NEURL4: variants seen among roughly 807,000 people sequenced by gnomAD.
NEURL4 encodes neuralized-like protein 4.
NEURL4 carries 45 observed loss-of-function variants against 148.0 expected under a neutral mutation model. That is an observed-to-expected ratio of 0.30 (90% CI 0.24 to 0.39). The LOEUF is 0.39. Among genes scored for constraint, NEURL4 ranks in the 10% least tolerant of loss-of-function variants. The probability of loss-of-function intolerance (pLI) is 1.00; values close to 1 mark genes in which losing one functional copy is unlikely to be tolerated. For missense variants in NEURL4, 1,776 were observed against 2,144.0 expected (o/e 0.83, Z 3.39); for synonymous variants, 854 against 869.0 (o/e 0.98, Z 0.30).
Position 7,321,053 on chromosome 17 carries a change from T to G in NEURL4, c.3360+59A>C. 1 of 1,597,582 alleles carries G rather than the reference T, an allele frequency of 6.3e-7. No homozygotes were observed. The highest frequency in any genetic ancestry group is 8.5e-7 in the Non-Finnish European group (1 of 1,169,808). On this transcript the variant is annotated intron_variant, in intron 20 of 28. Coordinates refer to ENST00000399464, the MANE Select transcript of NEURL4 (RefSeq NM_032442.3). This position sits in a 1 kb window ranked among gnomAD's most constrained non-coding sequence, Gnocchi z 6.3. Reference sequence around the variant, plus strand: ...CAGAGAACCCAGAAAAGGCCTGGCATCCAACGGCCCAGCAACTGCCCATCC... The same window carrying G: ...CAGAGAACCCAGAAAAGGCCTGGCAGCCAACGGCCCAGCAACTGCCCATCC...
At chr17:7,319,523 AAACTCCGT>A (rs2072999867) in intron 21 of NEURL4, among the ~76,000 whole-genome samples, 1 of 151,284 alleles carries the variant, frequency 6.6e-6, no homozygotes, top group Non-Finnish European at 1.5e-5. Flanking sequence ...CAACATGGTG[AAACTCCGT>A]CTCTACTAAA....
rs530570839 is a variant in NEURL4, at chr17:7,327,091, C to A, written c.793+74G>T. The A allele has an allele frequency of 3.1e-5, 49 of 1,600,186 alleles. No homozygotes were observed. Among genetic ancestry groups the A allele is most frequent in the Middle Eastern group, 1.6e-4 (1 of 6,062 alleles). Reference sequence around the variant, plus strand: ...CCAGACCTGGTGCCTCTCTCCCTACCCCTTCTCCTGAGGGCCCTCCCTTGT... The same window carrying A: ...CCAGACCTGGTGCCTCTCTCCCTACACCTTCTCCTGAGGGCCCTCCCTTGT... On this transcript the variant is annotated intron_variant, in intron 3 of 28. Coordinates refer to ENST00000399464, the MANE Select transcript of NEURL4 (RefSeq NM_032442.3). This position sits in a 1 kb window ranked among gnomAD's most constrained non-coding sequence, Gnocchi z 6.6.
rs775636936 is a variant in NEURL4 at position 7,320,728 on chromosome 17, G to A, written c.3525+31C>T. Reference sequence around the variant, plus strand: ...TTGGCCATGGGTCACTGTGGAGCGAGAGAAGCTGGGGATAGGGAGGGAGAA... The same window carrying A: ...TTGGCCATGGGTCACTGTGGAGCGAAAGAAGCTGGGGATAGGGAGGGAGAA... On this transcript the variant is annotated intron_variant, in intron 21 of 28. Coordinates refer to ENST00000399464, the MANE Select transcript of NEURL4 (RefSeq NM_032442.3). 3.8e-6 allele frequency: 6 copies of A among 1,597,098 alleles called. No homozygotes were observed. The African/African-American group carries it at 6.7e-5, about 18-fold the overall frequency.
rs538715477 is a variant in NEURL4 at position 7,318,044 on chromosome 17, C to G, written c.4060+21G>C. On this transcript the variant is annotated intron_variant, in intron 25 of 28. Transcript: ENST00000399464. This position sits in a 1 kb window ranked among gnomAD's most constrained non-coding sequence, Gnocchi z 4.3. ...CCTGGCCCTGGGAATGAAGTCAGTT[C>G]TGGCGGACTGTGGGACTCACCGGGA... The G allele has an allele frequency of 6.2e-6, 10 of 1,614,014 alleles. No individual in the cohort carries two copies. The highest frequency in any genetic ancestry group is 8.5e-6 in the Non-Finnish European group (10 of 1,179,850).
rs1415361342 is a variant in NEURL4, at chr17:7,325,464, G to A, written c.1376C>T (p.Thr459Ile). 6.2e-7 allele frequency: 1 copy of A among 1,611,214 alleles called. No homozygotes were observed. ...ATACACCACTGGGGGCGTCAAGGGGGTTGCCACTCCTGTGGCAGGAAGGTA... is the reference window on the plus strand; with the variant it reads ...ATACACCACTGGGGGCGTCAAGGGGATTGCCACTCCTGTGGCAGGAAGGTA... ...FINGIDQGVA[T>I]PLTPPVVYGV... The change falls in exon 8 of 29, where the codon ACC (threonine) becomes ATC (isoleucine). Residue 459 changes from threonine (T) to isoleucine (I), a missense_variant. Coordinates refer to ENST00000399464, the MANE Select transcript of NEURL4 (RefSeq NM_032442.3).
intron 26 of NEURL4, 40 bp from the exon 27 acceptor site, chr17:7,317,613 C>T (rs1567618114): frequency 3.8e-6 from 6 of 1,595,174 alleles, no homozygotes; most frequent in Non-Finnish European, 5.2e-6. Context: ...ACGAAGGCCA[C>T]TGACTCCCCA....
intron 6 of NEURL4, among the ~76,000 whole-genome samples, 160 bp from the exon 7 acceptor site, chr17:7,325,873 G>A (rs930376047): frequency 6.6e-6 from 1 of 152,078 alleles, no homozygotes; most frequent in East Asian, 1.9e-4. Flanking sequence ...TCCACATTTC[G>A]TCAATGCTCC....
intron 6 of NEURL4, 68 bp from the exon 7 acceptor site, chr17:7,325,781 A>G: frequency 7.9e-7 from 1 of 1,273,830 alleles, no homozygotes; most frequent in East Asian, 2.3e-5. Flanking sequence ...CCACACAGGA[A>G]CAACTCCAGA....
Position 7,318,541 on chromosome 17 carries a change from G to A in NEURL4, c.3818C>T (p.Pro1273Leu), listed in dbSNP as rs374468101. Reference sequence around the variant, plus strand: ...GTCCACAAGCGCATGGCAGGGCTGGGGCACATCTGGCACAGCTACCCCCTG... The same window carrying A: ...GTCCACAAGCGCATGGCAGGGCTGGAGCACATCTGGCACAGCTACCCCCTG... ...VDQGVAVPDV[P>L]QPCHALVDLY... The change falls in exon 23 of 29, where the codon CCC becomes CTC. Residue 1273 changes from proline to leucine, a missense_variant. Pro to Leu is a moderately conservative substitution (Grantham distance 98, BLOSUM62 -3). Coordinates refer to ENST00000399464, the MANE Select transcript of NEURL4 (RefSeq NM_032442.3). The surrounding 1 kb of genome is among the most constrained non-coding windows in gnomAD (Gnocchi z 4.3). The A allele has an allele frequency of 1.2e-6, 2 of 1,612,938 alleles. No homozygotes were observed. The highest frequency in any genetic ancestry group is 1.7e-6 in the Non-Finnish European group (2 of 1,179,452).
chr17:7,323,380 C>T, intron 14 of NEURL4, 105 bp downstream of exon 14: 2 of 1,205,988 alleles, frequency 1.7e-6, no homozygotes, highest in African/African-American at 1.5e-5. Context: ...GGTAGATCCC[C>T]TAGGTCTGTC....
rs1430941418 is a variant in NEURL4, at chr17:7,329,226, G to GCCGCTCCCGCTGGGGCCC, written c.69_86dup (p.Gly24_Gly29dup). ...GACCCCCGTTGGACCCCGGTCCTGA[G>GCCGCTCCCGCTGGGGCCC]CCGCTCCCGCTGGGGCCCCCACCCC... On this transcript the variant is annotated inframe_insertion, in exon 1 of 29. Transcript: ENST00000399464. The GCCGCTCCCGCTGGGGCCC allele has an allele frequency of 6.6e-7, 1 of 1,523,252 alleles. No homozygotes were observed. Among genetic ancestry groups the GCCGCTCCCGCTGGGGCCC allele is most frequent in the Non-Finnish European group, 8.8e-7 (1 of 1,142,198 alleles). 94.4% of individuals were successfully genotyped at this position (1,523,252 alleles called of 1,614,324 possible).
rs776009315 is a variant in NEURL4, at chr17:7,327,673, A to G, written c.494T>C (p.Val165Ala). 7 of 1,613,954 alleles carry G rather than the reference A, an allele frequency of 4.3e-6. No homozygotes were observed. The East Asian group carries it at 1.1e-4, about 26-fold the overall frequency. The change falls in exon 2 of 29, where the codon GTT becomes GCT. Residue 165 changes from valine to alanine, a missense_variant. Val to Ala is a moderately conservative substitution (Grantham distance 64). Coordinates refer to ENST00000399464, the MANE Select transcript of NEURL4 (RefSeq NM_032442.3). This position sits in a 1 kb window ranked among gnomAD's most constrained non-coding sequence, Gnocchi z 6.6. The part of the protein sequence containing the change: ...EGDRVGVERT[V>A]AGELRLWVNG... ...CACCCAGAGCCGAAGCTCCCCAGCA[A>G]CTGTGCGCTCCACGCCCACGCGGTC... is the stretch of plus-strand genomic sequence containing the variant.
At chr17:7,319,616 C>G (rs1281208904) in intron 21 of NEURL4, among the ~76,000 whole-genome samples, 1 of 149,858 alleles carries the variant, frequency 6.7e-6, no homozygotes, top group Non-Finnish European at 1.5e-5. Flanking sequence ...AGAAGAATCG[C>G]TTGAACCCGG....
At position 7,329,283 on chromosome 17, in the gene NEURL4, G is replaced by T; in HGVS notation, c.30C>A (p.Gly10=). The change falls in exon 1 of 29, where the codon GGC becomes GGA. Residue 10 remains glycine, a synonymous_variant. Transcript: ENST00000399464. ...GCCCCGGTCCAGGGCCTCCCCCAGAGCCCCCACTCCCACCCGACCCTGCCG... is the reference window on the plus strand; with the variant it reads ...GCCCCGGTCCAGGGCCTCCCCCAGATCCCCCACTCCCACCCGACCCTGCCG... MAAGSGGSG[G]SGGGPGPGPG... is the part of the protein sequence containing the mutation. 6 of 1,393,036 alleles carry T rather than the reference G, an allele frequency of 4.3e-6. No homozygotes were observed. The highest frequency in any genetic ancestry group is 5.6e-6 in the Non-Finnish European group (6 of 1,066,480). 86.3% of individuals were successfully genotyped at this position (1,393,036 alleles called of 1,614,324 possible).
chr17:7,325,813 AC>A, intron 6 of NEURL4, 100 bp from the exon 7 acceptor site: 2 of 967,170 alleles, frequency 2.1e-6, no homozygotes, highest in Non-Finnish European at 3.4e-6. Flanking sequence ...AGAGTCTCAG[AC>A]CACCCTGGAG....
rs541909323 is a variant in NEURL4 at position 7,317,853 on chromosome 17, G to A, written c.4140C>T (p.His1380=). The A allele has an allele frequency of 5.6e-6, 9 of 1,614,158 alleles. No individual in the cohort carries two copies. The South Asian group carries it at 9.9e-5, about 18-fold the overall frequency. The part of the protein sequence containing the change: ...SCRKLRGDEA[H]RRRGEPPREY... Reference sequence around the variant, plus strand: ...CCCGGGGAGGCTCCCCTCTGCGCCTGTGGGCCTCGTCTCCTCGCAGCTTCC... The same window carrying A: ...CCCGGGGAGGCTCCCCTCTGCGCCTATGGGCCTCGTCTCCTCGCAGCTTCC... Residue 1380 remains histidine (H), a synonymous_variant, in exon 26 of 29, where the codon CAC becomes CAT. Transcript: ENST00000399464.
chr17:7,318,049 G>A lies in NEURL4; in HGVS notation c.4060+16C>T, dbSNP rs369997022. On this transcript the variant is annotated intron_variant, in intron 25 of 28. Coordinates refer to ENST00000399464, the MANE Select transcript of NEURL4 (RefSeq NM_032442.3). The surrounding 1 kb of genome is among the most constrained non-coding windows in gnomAD (Gnocchi z 4.3). ...CCCTGGGAATGAAGTCAGTTCTGGC[G>A]GACTGTGGGACTCACCGGGAAGCAG... 54 of 1,613,612 alleles carry A rather than the reference G, an allele frequency of 3.3e-5. No homozygotes were observed. Among genetic ancestry groups the A allele is most frequent in the Admixed American group, 3.2e-4 (19 of 60,012 alleles).
chr17:7,317,693 G>T lies in NEURL4; in HGVS notation c.4205+95C>A. 7 of 1,580,210 alleles carry T rather than the reference G, an allele frequency of 4.4e-6. No homozygotes were observed. The South Asian group carries it at 7.9e-5, about 18-fold the overall frequency. ...GCACTTCCTGGCTTTTCCTTAGACA[G>T]GAAGTTCTATTACTTCTTCCATGCA... On this transcript the variant is annotated intron_variant, in intron 26 of 28. Coordinates refer to ENST00000399464, the MANE Select transcript of NEURL4 (RefSeq NM_032442.3).
chr17:7,323,449 C>T (rs2073058278), intron 14 of NEURL4, 36 bp downstream of exon 14: 2 of 1,608,410 alleles, frequency 1.2e-6, no homozygotes, highest in Admixed American at 1.7e-5. Flanking sequence ...CAGCTCCACT[C>T]AGCCCCAAGC....
Sources: gnomAD v4.1 joint callset for allele counts (sites outside exome capture counted in the v4.1 genomes callset) on GRCh38, gnomAD v4.1.1 for gene constraint, Gnocchi (gnomAD v3.1) non-coding constraint, MANE v1.5 for transcripts, NCBI Gene and HGNC (gene_info 2026-07-23, HGNC 2026-07-21) for gene names.